The following CNBD1 variants were observed in gnomAD, a reference collection of about 807,000 sequenced individuals.
The protein encoded by CNBD1 is cyclic nucleotide binding domain containing 1.
CNBD1 carries 71 observed loss-of-function variants against 54.4 expected under a neutral mutation model. That is an observed-to-expected ratio of 1.30 (90% confidence interval 1.08 to 1.59). The LOEUF (loss-of-function observed/expected upper bound fraction) is 1.59, where lower values mean the gene tolerates loss of function less well. Among genes scored for constraint, CNBD1 ranks in the 40% most tolerant of loss-of-function variants. CNBD1 has a pLI of 0.00. For missense variants in CNBD1, 659 were observed against 518.0 expected (o/e 1.27, Z -2.64); for synonymous variants, 182 against 170.7 (o/e 1.07, Z -0.51).
At position 87,354,856 on chromosome 8, in the gene CNBD1, G is replaced by A. The variant is rs542709023; in HGVS notation, c.1303+1070G>A. The stretch of plus-strand genomic sequence containing the variant: ...AGTCTTTGCTATTGTGAATAGTGCC[G>A]CAATAACATACGTATGCATTTGTCT... On this transcript the variant is annotated intron_variant, in intron 10 of 10. Transcript: ENST00000518476. Among the ~76,000 whole-genome samples the A allele has an allele frequency of 2.3e-4, 35 of 151,668 alleles. 1 individual carries two copies. In the South Asian group the frequency reaches 6.2e-3, roughly 27 times the overall value.
At chr8:87,386,000 C>A (rs930024107), downstream of CNBD1, among the ~76,000 whole-genome samples, 15 of 152,250 alleles carry the variant, frequency 9.9e-5, no homozygotes, top group Admixed American at 3.9e-4. Flanking sequence ...GATACCCAGG[C>A]AAACATAGTC....
At chr8:87,425,074 T>C (rs1273478979) in intron 2 of CNBD1, among the ~76,000 whole-genome samples, 2 of 152,144 alleles carry the variant, frequency 1.3e-5, no homozygotes, top group East Asian at 1.9e-4. Flanking sequence ...ATTCATTTCA[T>C]CTTCCATTGC....
chr8:87,162,560 G>A (rs1376113044), intron 4 of CNBD1, among the ~76,000 whole-genome samples: 1 of 152,086 alleles, frequency 6.6e-6, no homozygotes, highest in African/African-American at 2.4e-5. Context: ...GATTTAATAA[G>A]AGACAGATGC....
chr8:87,310,969 A>T (rs1160301239), intron 8 of CNBD1, among the ~76,000 whole-genome samples: 1 of 152,172 alleles, frequency 6.6e-6, no homozygotes, highest in Admixed American at 6.6e-5. Flanking sequence ...GAGAAGACTG[A>T]AGCCTAAGAC....
chr8:86,919,600 G>T (rs1296443624), intron 3 of CNBD1, among the ~76,000 whole-genome samples: 1 of 152,114 alleles, frequency 6.6e-6, no homozygotes, highest in East Asian at 1.9e-4. Flanking sequence ...GTTTCTGTTT[G>T]TTTACACACA....
At chr8:87,106,820 G>GTTTA (rs992137932) in intron 4 of CNBD1, among the ~76,000 whole-genome samples, 12 of 152,064 alleles carry the variant, frequency 7.9e-5, no homozygotes, top group Middle Eastern at 3.4e-3. Flanking sequence ...GGCTGCTTCT[G>GTTTA]TTTATTTATT....
rs777622681 is a variant in CNBD1, at chr8:86,916,356, G to A, written c.272+11162G>A. Among the ~76,000 whole-genome samples, 29 of 152,272 alleles carry A rather than the reference G, an allele frequency of 1.9e-4. 1 individual carries two copies. The highest frequency in any genetic ancestry group is 1.7e-3 in the Admixed American group (26 of 15,296). ...TGACCTTTGACTTGGGGTTTTATAC[G>A]CTGGCATACTTCTGGGGTCTTGCAT... On this transcript the variant is annotated intron_variant, in intron 3 of 10. Coordinates refer to ENST00000518476, the MANE Select transcript of CNBD1 (RefSeq NM_173538.3).
chr8:86,943,872 C>A (rs559386323), intron 4 of CNBD1, among the ~76,000 whole-genome samples: 2 of 152,030 alleles, frequency 1.3e-5, no homozygotes, highest in Admixed American at 6.6e-5. Flanking sequence ...AGAAGAACAA[C>A]AACTAGATGC....
chr8:87,027,592 C>T (rs1485356056), intron 4 of CNBD1, among the ~76,000 whole-genome samples: 1 of 152,076 alleles, frequency 6.6e-6, no homozygotes, highest in African/African-American at 2.4e-5. Context: ...TTTTAAAGGC[C>T]AAACCTCTTC....
intron 4 of CNBD1, among the ~76,000 whole-genome samples, chr8:87,192,729 A>G (rs1474724342): frequency 6.6e-6 from 1 of 152,114 alleles, no homozygotes; most frequent in Admixed American, 6.6e-5. Context: ...TGGATTCCTA[A>G]TTGTTCTTTC....
chr8:87,058,588 A>G (rs1412955321), intron 4 of CNBD1, among the ~76,000 whole-genome samples: 2 of 152,310 alleles, frequency 1.3e-5, no homozygotes, highest in South Asian at 4.1e-4. Context: ...GCACAACTGC[A>G]GGACCAACAC....
At chr8:87,136,293 T>A (rs751633656) in intron 4 of CNBD1, among the ~76,000 whole-genome samples, 24 of 151,434 alleles carry the variant, frequency 1.6e-4, no homozygotes, top group Non-Finnish European at 7.4e-5. Context: ...TTAGAAGTAA[T>A]CATAATTTAA....
intron 3 of CNBD1, among the ~76,000 whole-genome samples, chr8:86,919,185 A>G (rs912397831): frequency 2.6e-5 from 4 of 152,190 alleles, no homozygotes; most frequent in African/African-American, 9.6e-5. Flanking sequence ...AGAAATACAC[A>G]TAGGATTCAT....
chr8:87,300,085 AG>A (rs1253154458), intron 8 of CNBD1, among the ~76,000 whole-genome samples: 1 of 152,202 alleles, frequency 6.6e-6, no homozygotes, highest in Non-Finnish European at 1.5e-5. Flanking sequence ...TAACATGTGG[AG>A]AACATATGCA....
intron 4 of CNBD1, among the ~76,000 whole-genome samples, chr8:87,105,520 G>A (rs1811514970): frequency 6.6e-6 from 1 of 152,042 alleles, no homozygotes; most frequent in Non-Finnish European, 1.5e-5. Flanking sequence ...TTTTCACCAG[G>A]GTCTTCACAG....
At chr8:87,082,461 A>G (rs867232863) in intron 4 of CNBD1, among the ~76,000 whole-genome samples, 16 of 152,252 alleles carry the variant, frequency 1.1e-4, no homozygotes, top group Non-Finnish European at 2.2e-4. Context: ...ATCACTTTAT[A>G]GTCATGTAAT....
chr8:87,028,733 A>G (rs1201156073), intron 4 of CNBD1, among the ~76,000 whole-genome samples: 1 of 152,222 alleles, frequency 6.6e-6, no homozygotes, highest in Non-Finnish European at 1.5e-5. Flanking sequence ...ATTTTCAATT[A>G]TTTGGTACCT....
chr8:86,898,427 C>T (rs1168095530), intron 2 of CNBD1, among the ~76,000 whole-genome samples: 1 of 152,112 alleles, frequency 6.6e-6, no homozygotes, highest in Non-Finnish European at 1.5e-5. Context: ...TCAAGACTTA[C>T]TATAAAGCTA....
chr8:87,396,891 C>CT (rs34163158), intron 2 of CNBD1, among the ~76,000 whole-genome samples: 78,768 of 139,360 alleles, frequency 0.57, 22,721 homozygotes, highest in African/African-American at 0.71. Flanking sequence ...AGTTTGTTTT[C>CT]TTTTTTTTTT....
Sources: gnomAD v4.1 joint callset for allele counts (sites outside exome capture counted in the v4.1 genomes callset) on GRCh38, gnomAD v4.1.1 for gene constraint, MANE v1.5 for transcripts, NCBI Gene and HGNC (gene_info 2026-07-23, HGNC 2026-07-21) for gene names.